SLC39A11: variants seen among roughly 807,000 people sequenced by gnomAD.
SLC39A11 encodes solute carrier family 39 member 11.
SLC39A11 carries 33 observed loss-of-function variants against 36.1 expected under a neutral mutation model. The ratio of observed to expected loss-of-function variants is 0.91; its 90% CI spans 0.69 to 1.22. SLC39A11 has a LOEUF of 1.22. SLC39A11 is among the 50% of genes most tolerant of loss of function. The pLI, the probability that SLC39A11 is intolerant of heterozygous loss-of-function variation, is 0.00. For synonymous variants in SLC39A11, 166 were observed against 170.3 expected, an observed-to-expected ratio of 0.97 and a Z score of 0.20; for missense variants, 432 against 430.3, an observed-to-expected ratio of 1.00 and a Z score of -0.03.
chr17:72,974,783 C>T (rs368025475), intron 4 of SLC39A11, among the ~76,000 whole-genome samples: 2 of 152,246 alleles, frequency 1.3e-5, no homozygotes, highest in East Asian at 1.9e-4. Flanking sequence ...GAGCAACTTC[C>T]AGCCCTGCAA....
chr17:72,923,476 A>G (rs1203281762), intron 5 of SLC39A11, among the ~76,000 whole-genome samples: 3 of 152,262 alleles, frequency 2.0e-5, no homozygotes, highest in South Asian at 2.1e-4. Flanking sequence ...GGGATATGCC[A>G]TAACAGATAA....
chr17:72,666,485 A>T (rs1158533633), intron 7 of SLC39A11, among the ~76,000 whole-genome samples: 3 of 152,218 alleles, frequency 2.0e-5, no homozygotes, highest in Non-Finnish European at 4.4e-5. Context: ...TGAATAACAT[A>T]CGCTCTCAAT....
Position 73,078,380 on chromosome 17 carries a change from A to C in SLC39A11, c.147+6428T>G, listed in dbSNP as rs372141824. Among the ~76,000 whole-genome samples, 21 of 152,324 alleles carry C rather than the reference A, an allele frequency of 1.4e-4. 1 individual carries two copies. In the East Asian group the frequency reaches 3.1e-3, roughly 22 times the overall value. ...GGCATGTAAATATGCAGACAGATAG[A>C]TCAGATATAGATAGATAGGTAGGTA... On this transcript the variant is annotated intron_variant, in intron 3 of 9. Transcript: ENST00000255559.
intron 6 of SLC39A11, among the ~76,000 whole-genome samples, chr17:72,759,517 G>A (rs2075493944): frequency 6.6e-6 from 1 of 152,138 alleles, no homozygotes; most frequent in Admixed American, 6.5e-5. Flanking sequence ...CTTTTTAAAA[G>A]CAGTAACATC....
At chr17:72,997,258 C>T (rs72850948) in intron 4 of SLC39A11, among the ~76,000 whole-genome samples, 4,739 of 152,166 alleles carry the variant, frequency 0.031, 99 homozygotes, top group Non-Finnish European at 0.046. Flanking sequence ...TACAGAGTAG[C>T]TCCCTCTTTT....
chr17:72,972,870 C>G (rs899900140), intron 4 of SLC39A11, among the ~76,000 whole-genome samples: 1 of 152,100 alleles, frequency 6.6e-6, no homozygotes, highest in South Asian at 2.1e-4. Flanking sequence ...TTTGGCCAAC[C>G]CTCCTGTTGG....
chr17:72,848,928 T>C (rs1034722024), intron 6 of SLC39A11, among the ~76,000 whole-genome samples: 5 of 152,070 alleles, frequency 3.3e-5, no homozygotes, highest in Admixed American at 3.3e-4. Context: ...TGCAGAGAGT[T>C]TTTGGCTTCC....
At chr17:72,704,809 T>C (rs1263542472) in intron 7 of SLC39A11, among the ~76,000 whole-genome samples, 1 of 152,120 alleles carries the variant, frequency 6.6e-6, no homozygotes. Context: ...GAACAATGGG[T>C]GCAACTCCAT....
At chr17:73,024,705 A>T (rs888314582) in intron 4 of SLC39A11, among the ~76,000 whole-genome samples, 21 of 145,942 alleles carry the variant, frequency 1.4e-4, no homozygotes, top group African/African-American at 5.0e-4. Flanking sequence ...AGTTGTGTAC[A>T]TTTTTTTTTT....
intron 7 of SLC39A11, among the ~76,000 whole-genome samples, chr17:72,666,039 CTGCTCCCAGCTGCG>C (rs2070741304): frequency 6.6e-6 from 1 of 152,168 alleles, no homozygotes; most frequent in South Asian, 2.1e-4. Context: ...GGTCTGATGT[CTGCTCCCAGCTGCG>C]TGTAATCAAT....
At chr17:72,687,517 A>G (rs751348844) in intron 7 of SLC39A11, among the ~76,000 whole-genome samples, 8 of 152,212 alleles carry the variant, frequency 5.3e-5, no homozygotes, top group Non-Finnish European at 8.8e-5. Context: ...TGCTGGGATT[A>G]CAGGCGTGAG....
chr17:72,782,687 CAAAAAAAAAAAAAA>C (rs72447211), intron 6 of SLC39A11, among the ~76,000 whole-genome samples: 4 of 62,476 alleles, frequency 6.4e-5, no homozygotes, highest in Admixed American at 5.1e-4. Context: ...GACCCCATCT[CAAAAAAAAAAAAAA>C]AAAAAAAAAA....
chr17:72,863,712 A>G (rs1419991096), intron 5 of SLC39A11, among the ~76,000 whole-genome samples: 1 of 152,232 alleles, frequency 6.6e-6, no homozygotes, highest in Non-Finnish European at 1.5e-5. Flanking sequence ...CCCATGCCAG[A>G]GGCAGGTGGT....
At chr17:72,753,906 A>AAC (rs1568034063) in intron 6 of SLC39A11, among the ~76,000 whole-genome samples, 4 of 149,672 alleles carry the variant, frequency 2.7e-5, no homozygotes, top group African/African-American at 9.9e-5. Flanking sequence ...AAAAAAAAAA[A>AAC]AAAAAACCTG....
At chr17:72,804,006 T>G (rs2713982) in intron 6 of SLC39A11, among the ~76,000 whole-genome samples, 98,794 of 137,390 alleles carry the variant, frequency 0.72, 33,615 homozygotes, top group Middle Eastern at 0.83. Context: ...CTTTTTTGGG[T>G]GGGGGCGGGG....
At chr17:72,777,092 G>A (rs1046972277) in intron 6 of SLC39A11, among the ~76,000 whole-genome samples, 3 of 152,110 alleles carry the variant, frequency 2.0e-5, no homozygotes, top group Admixed American at 6.5e-5. Flanking sequence ...GATCTGGGAC[G>A]GAGCCTGAAT....
At chr17:72,871,652 T>C (rs549429328) in intron 5 of SLC39A11, among the ~76,000 whole-genome samples, 21 of 152,286 alleles carry the variant, frequency 1.4e-4, no homozygotes, top group African/African-American at 4.8e-4. Context: ...TGTGGGGTGC[T>C]GGAAGGGTGA....
intron 5 of SLC39A11, among the ~76,000 whole-genome samples, chr17:72,909,350 A>C (rs1027677082): frequency 1.3e-5 from 2 of 152,140 alleles, no homozygotes. Context: ...TAGCAAATTA[A>C]CCTTAGAGGG....
intron 3 of SLC39A11, among the ~76,000 whole-genome samples, chr17:73,062,475 A>C (rs11657842): frequency 0.02 from 1,727 of 86,880 alleles, 305 homozygotes; most frequent in African/African-American, 0.071. Flanking sequence ...AAAAAAAAAA[A>C]AAACTTTAGG....
Sources: gnomAD v4.1 joint callset for allele counts (sites outside exome capture counted in the v4.1 genomes callset) on GRCh38, gnomAD v4.1.1 for gene constraint, MANE v1.5 for transcripts, NCBI Gene and HGNC (gene_info 2026-07-23, HGNC 2026-07-21) for gene names.